Variants in TMEM132C observed in about 807,000 individuals in gnomAD.
The protein encoded by TMEM132C is protein phosphatase 1, regulatory subunit 152.
TMEM132C carries 29 observed loss-of-function variants against 61.4 expected under a neutral mutation model. That is an observed-to-expected ratio of 0.47 (90% confidence interval 0.35 to 0.64). TMEM132C has a LOEUF of 0.64. Among genes scored for constraint, TMEM132C ranks in the 30% least tolerant of loss-of-function variants. The probability of loss-of-function intolerance (pLI) is 0.00; values close to 1 mark genes in which losing one functional copy is unlikely to be tolerated. For synonymous variants in TMEM132C, 656 were observed against 633.1 expected, an observed-to-expected ratio of 1.04 and a Z score of -0.54; for missense variants, 1,408 against 1,476.9, an observed-to-expected ratio of 0.95 and a Z score of 0.76.
chr12:128,645,188 G>C (rs1168181600), intron 4 of TMEM132C, among the ~76,000 whole-genome samples: 1 of 152,166 alleles, frequency 6.6e-6, no homozygotes, highest in African/African-American at 2.4e-5. Flanking sequence ...TCTGTGGAGG[G>C]TCTGGGTGGA....
At chr12:128,422,701 C>T (rs147796902) in intron 2 of TMEM132C, among the ~76,000 whole-genome samples, 10 of 152,168 alleles carry the variant, frequency 6.6e-5, no homozygotes, top group African/African-American at 2.2e-4. Context: ...ATATCATCAG[C>T]GTTTGGGGCC....
chr12:128,404,756 G>T (rs1171533410), intron 1 of TMEM132C: 2 of 152,230 alleles, frequency 1.3e-5, no homozygotes, highest in Non-Finnish European at 1.5e-5. Flanking sequence ...CATCGTGTTA[G>T]TGGAAAGGCT....
rs371001314 is a variant in TMEM132C at position 128,705,289 on chromosome 12, C to T, written c.2321C>T (p.Thr774Met). Residue 774 changes from threonine to methionine, a missense_variant, in exon 9 of 9, where the codon ACG becomes ATG. Thr to Met is a moderately conservative substitution (Grantham distance 81). Transcript: ENST00000435159. ...GGCCCACTGATCCGAGTGGACATGACGATCGCCGAGGCCTGCCAGAAATCT... is the reference window on the plus strand; with the variant it reads ...GGCCCACTGATCCGAGTGGACATGATGATCGCCGAGGCCTGCCAGAAATCT... Reference protein sequence around the residue: ...GQGPLIRVDMTIAEACQKSKR... With the variant: ...GQGPLIRVDMMIAEACQKSKR... The T allele has an allele frequency of 1.5e-5, 24 of 1,551,452 alleles. No homozygotes were observed. The highest frequency in any genetic ancestry group is 3.3e-4 in the Middle Eastern group (2 of 5,988).
At chr12:128,351,579 C>G (rs1873338511) in intron 1 of TMEM132C, among the ~76,000 whole-genome samples, 4 of 152,132 alleles carry the variant, frequency 2.6e-5, no homozygotes. Context: ...ATGGTGCCAG[C>G]ATCTGGATCT....
intron 4 of TMEM132C, among the ~76,000 whole-genome samples, chr12:128,643,768 CTTATT>C (rs1239685194): frequency 1.3e-5 from 2 of 152,104 alleles, no homozygotes; most frequent in East Asian, 3.8e-4. Flanking sequence ...TAGATTTTCA[CTTATT>C]TTATTTTTAT....
intron 1 of TMEM132C, among the ~76,000 whole-genome samples, chr12:128,302,962 G>A (rs1036406397): frequency 6.6e-6 from 1 of 152,174 alleles, no homozygotes; most frequent in African/African-American, 2.4e-5. Context: ...AAGCATCTTT[G>A]CACCCTAGGG....
intron 1 of TMEM132C, among the ~76,000 whole-genome samples, chr12:128,268,077 G>A (rs1870374382): frequency 6.6e-6 from 1 of 152,192 alleles, no homozygotes; most frequent in South Asian, 2.1e-4. Flanking sequence ...GCAGAAACCA[G>A]GGGCTCTCTG....
chr12:128,550,171 G>A (rs1318294763), intron 3 of TMEM132C, among the ~76,000 whole-genome samples: 1 of 152,214 alleles, frequency 6.6e-6, no homozygotes, highest in East Asian at 1.9e-4. Flanking sequence ...GAAAGTCCGA[G>A]GTCAGGGTGC....
At chr12:128,381,469 G>A (rs1035032964) in intron 1 of TMEM132C, among the ~76,000 whole-genome samples, 6 of 152,162 alleles carry the variant, frequency 3.9e-5, no homozygotes, top group African/African-American at 1.4e-4. Flanking sequence ...TTCTAGAATC[G>A]AATCTGAGTG....
At chr12:128,658,430 C>A (rs1310775074) in intron 4 of TMEM132C, among the ~76,000 whole-genome samples, 4 of 152,230 alleles carry the variant, frequency 2.6e-5, no homozygotes, top group Non-Finnish European at 5.9e-5. Flanking sequence ...TGTGCCTTCC[C>A]ACTGTCTCCA....
intron 3 of TMEM132C, among the ~76,000 whole-genome samples, chr12:128,549,286 C>T (rs955357703): frequency 5.9e-5 from 9 of 152,128 alleles, no homozygotes; most frequent in Non-Finnish European, 1.5e-5. Context: ...TGTCCATTAA[C>T]ATCCCCCAGG....
At chr12:128,405,921 A>G (rs963672157) in intron 1 of TMEM132C, among the ~76,000 whole-genome samples, 1 of 152,188 alleles carries the variant, frequency 6.6e-6, no homozygotes. Context: ...AGCAGCCCCC[A>G]TGGACAGGTG....
chr12:128,477,629 G>T (rs1043107121), intron 2 of TMEM132C, among the ~76,000 whole-genome samples: 2 of 152,142 alleles, frequency 1.3e-5, no homozygotes, highest in Admixed American at 6.5e-5. Context: ...GCCCAAGCTG[G>T]AGTGCAGTGG....
chr12:128,581,012 G>A (rs1487922045), intron 3 of TMEM132C, among the ~76,000 whole-genome samples: 1 of 152,056 alleles, frequency 6.6e-6, no homozygotes. Flanking sequence ...ATTGCCCTTG[G>A]TTGAGAACCA....
At chr12:128,305,129 A>G (rs1871725196) in intron 1 of TMEM132C, among the ~76,000 whole-genome samples, 2 of 152,108 alleles carry the variant, frequency 1.3e-5, no homozygotes, top group African/African-American at 4.8e-5. Flanking sequence ...CTGTAATCCC[A>G]GTGCTTTGGG....
intron 8 of TMEM132C, 41 bp from the exon 9 acceptor site, chr12:128,705,049 G>C: frequency 3.4e-6 from 5 of 1,472,910 alleles, no homozygotes; most frequent in Non-Finnish European, 4.5e-6. Flanking sequence ...AAGGGAAAAG[G>C]CATCCCCCAG....
Position 128,707,867 on chromosome 12 carries a change from C to A in TMEM132C, c.*1572C>A, listed in dbSNP as rs1312679335. ...GGAAAGAAGAAGATATTTATTTATA[C>A]CTGTGATGCCAATTGTCATTAAAAG... On this transcript the variant is annotated 3_prime_UTR_variant, in exon 9 of 9. Transcript: ENST00000435159. 1.3e-5 allele frequency: 2 copies of A among 151,930 alleles called. No homozygotes were observed. The highest frequency in any genetic ancestry group is 2.9e-5 in the Non-Finnish European group (2 of 68,020). The allele number at this position is 151,930 out of a possible 1,614,324, so 9.4% of individuals were successfully genotyped here.
intron 3 of TMEM132C, 127 bp downstream of exon 3, chr12:128,544,230 G>A (rs1873868576): frequency 1.5e-6 from 2 of 1,307,750 alleles, no homozygotes; most frequent in African/African-American, 3.0e-5. Context: ...CCCACCACGT[G>A]GAAATCTGGA....
intron 1 of TMEM132C, among the ~76,000 whole-genome samples, chr12:128,403,392 A>G (rs1303659394): frequency 6.6e-6 from 1 of 152,020 alleles, no homozygotes; most frequent in Non-Finnish European, 1.5e-5. Flanking sequence ...TGCAGGAGAC[A>G]CCTCCAAAGT....
Sources: allele counts gnomAD v4.1 joint callset (sites outside exome capture counted in the v4.1 genomes callset), GRCh38; gene constraint gnomAD v4.1.1; transcripts MANE v1.5; gene names NCBI Gene and HGNC (gene_info 2026-07-23, HGNC 2026-07-21).